Variants in SVIL observed in about 807,000 individuals in gnomAD.
SVIL encodes archvillin.
Under a neutral mutation model 240.4 loss-of-function variants are expected in SVIL, and 101 were observed. The ratio of observed to expected loss-of-function variants is 0.42; its 90% CI spans 0.36 to 0.50. The LOEUF (loss-of-function observed/expected upper bound fraction) is 0.50, where lower values mean the gene tolerates loss of function less well. SVIL is among the 20% of genes least tolerant of loss of function. The probability of loss-of-function intolerance (pLI) is 0.01; values close to 1 mark genes in which losing one functional copy is unlikely to be tolerated. For synonymous variants in SVIL, 999 were observed against 1,100.0 expected (o/e 0.91, Z 1.82); for missense variants, 2,512 against 2,818.7 (o/e 0.89, Z 2.46).
chr10:29,637,491 T>A (rs1442235079), upstream of SVIL, among the ~76,000 whole-genome samples: 1 of 152,082 alleles, frequency 6.6e-6, no homozygotes, highest in Non-Finnish European at 1.5e-5. Flanking sequence ...AGACTCCGTC[T>A]CAAAAGAAGA....
intron 1 of SVIL, among the ~76,000 whole-genome samples, chr10:29,717,299 A>G (rs945020339): frequency 5.7e-5 from 8 of 139,594 alleles, no homozygotes; most frequent in African/African-American, 2.0e-4. Context: ...TTTCACAGAT[A>G]TCACACACTA....
At position 29,509,330 on chromosome 10, in the gene SVIL, G is replaced by GGAGAGAGAGAGAGAGAGAGAGAGAGA. The variant is rs66616602; in HGVS notation, c.3516+3379_3516+3404dup. 4.6e-4 allele frequency among the ~76,000 whole-genome samples: 31 copies of GGAGAGAGAGAGAGAGAGAGAGAGAGA among 66,906 alleles called. 3 individuals are homozygous for GGAGAGAGAGAGAGAGAGAGAGAGAGA. Among genetic ancestry groups the GGAGAGAGAGAGAGAGAGAGAGAGAGA allele is most frequent in the Non-Finnish European group, 7.7e-4 (25 of 32,274 alleles). The allele number at this position is 66,906 out of a possible 152,430, so 43.9% of individuals were successfully genotyped here. A position where few individuals can be genotyped will look rare whatever the true frequency, so the allele number is the denominator to read the frequency against. On this transcript the variant is annotated intron_variant, in intron 17 of 37. Coordinates refer to ENST00000355867, the MANE Select transcript of SVIL (RefSeq NM_021738.3). ...GAGAGAAAGGGAGAAGGAGGGGGAG[G>GGAGAGAGAGAGAGAGAGAGAGAGAGA]GAGAGAGAGAGAGAGAGAGAGAGAG...
chr10:29,531,322 T>C lies in SVIL; in HGVS notation c.2010-34A>G, dbSNP rs765072419. The C allele has an allele frequency of 5.0e-6, 8 of 1,593,920 alleles. No individual in the cohort carries two copies. The South Asian group carries it at 9.0e-5, about 18-fold the overall frequency. On this transcript the variant is annotated intron_variant, in intron 9 of 37. Coordinates refer to ENST00000355867, the MANE Select transcript of SVIL (RefSeq NM_021738.3). ...GACATTAGCAAATAACAATAATACA[T>C]TAGCAGGTGGGAGCAGAAGATCGAA... is the stretch of plus-strand genomic sequence containing the variant.
chr10:29,617,099 C>G (rs1275329283), intron 1 of SVIL, among the ~76,000 whole-genome samples: 1 of 152,128 alleles, frequency 6.6e-6, no homozygotes, highest in Non-Finnish European at 1.5e-5. Context: ...TTATCTTCCC[C>G]TAGTTTCCCC....
At chr10:29,586,681 C>T (rs1956178828) in intron 1 of SVIL, among the ~76,000 whole-genome samples, 1 of 152,176 alleles carries the variant, frequency 6.6e-6, no homozygotes, top group South Asian at 2.1e-4. Flanking sequence ...AAACATTCCA[C>T]ATTTCCTAAT....
chr10:29,595,543 C>T (rs773910724), intron 1 of SVIL, among the ~76,000 whole-genome samples: 4 of 152,228 alleles, frequency 2.6e-5, no homozygotes, highest in African/African-American at 4.8e-5. Flanking sequence ...AGGCGAATTC[C>T]ATTCATTTCA....
chr10:29,607,603 A>C (rs189353938), intron 1 of SVIL, among the ~76,000 whole-genome samples: 1 of 152,004 alleles, frequency 6.6e-6, no homozygotes, highest in African/African-American at 2.4e-5. Flanking sequence ...ACTGAATTGC[A>C]TTGTTACTGT....
chr10:29,688,880 C>T (rs1023529345), intron 1 of SVIL, among the ~76,000 whole-genome samples: 1 of 152,076 alleles, frequency 6.6e-6, no homozygotes, highest in South Asian at 2.1e-4. Flanking sequence ...GTTAAGTTTA[C>T]AATATATATG....
chr10:29,607,667 G>A (rs1489998144), intron 1 of SVIL, among the ~76,000 whole-genome samples: 2 of 152,176 alleles, frequency 1.3e-5, no homozygotes, highest in South Asian at 2.1e-4. Flanking sequence ...GCTGTTTGGA[G>A]GTACAGCTTT....
intron 2 of SVIL, among the ~76,000 whole-genome samples, chr10:29,665,229 A>G (rs1464994242): frequency 1.2e-5 from 1 of 86,922 alleles, no homozygotes; most frequent in Non-Finnish European, 2.9e-5. Flanking sequence ...TCTTGTCTCA[A>G]AAAAAAAAAA....
intron 2 of SVIL, among the ~76,000 whole-genome samples, chr10:29,662,778 TAC>T (rs3040508): frequency 1.4e-3 from 210 of 148,416 alleles, no homozygotes; most frequent in African/African-American, 2.5e-3. Context: ...TGTGCGCGCG[TAC>T]ACACACACAC....
chr10:29,572,894 C>T (rs1039642746), intron 1 of SVIL, among the ~76,000 whole-genome samples: 7 of 151,900 alleles, frequency 4.6e-5, no homozygotes, highest in African/African-American at 1.7e-4. Context: ...CACAGTATCA[C>T]TGCTCATCAC....
At chr10:29,494,716 A>G (rs548191572) in intron 20 of SVIL, among the ~76,000 whole-genome samples, 198 bp downstream of exon 20, 2 of 152,302 alleles carry the variant, frequency 1.3e-5, no homozygotes, top group East Asian at 3.9e-4. Context: ...TTCCAATTGG[A>G]TGGCATCCCA....
rs1408545062 is a variant in SVIL at position 29,524,719 on chromosome 10, A to G, written c.2343-4T>C. On this transcript the variant is annotated splice_region_variant and splice_polypyrimidine_tract_variant and intron_variant, in intron 13 of 37. Transcript: ENST00000355867. ...TTGGTGAGCAGAGGCCTGCAATCTG[A>G]AAAAAATAAAATGTCAGCAACACAT... is the stretch of plus-strand genomic sequence containing the variant. 1.2e-6 allele frequency: 2 copies of G among 1,612,892 alleles called. No homozygotes were observed. Among genetic ancestry groups the G allele is most frequent in the Non-Finnish European group, 1.7e-6 (2 of 1,179,214 alleles).
chr10:29,734,033 C>T (rs1964764834), intron 1 of SVIL, among the ~76,000 whole-genome samples: 1 of 152,206 alleles, frequency 6.6e-6, no homozygotes, highest in South Asian at 2.1e-4. Flanking sequence ...AAGTCACACA[C>T]AGCTTAAACA....
At chr10:29,717,239 A>AC in intron 1 of SVIL, among the ~76,000 whole-genome samples, 1 of 102,556 alleles carries the variant, frequency 9.8e-6, no homozygotes, top group Non-Finnish European at 1.8e-5. Context: ...TCTCAAAAAA[A>AC]AAAAAAAAAA....
Position 29,523,484 on chromosome 10 carries a change from C to G in SVIL, c.3130G>C (p.Glu1044Gln). Reference protein sequence around the residue: ...RLPFEEKVEVENVMKRKFSLR... With the variant: ...RLPFEEKVEVQNVMKRKFSLR... ...GAAAACTTCCTTTTCATAACATTCT[C>G]CACCTCCACCTTCTCTTCAAAGGGC... The change falls in exon 15 of 38, where the codon GAG becomes CAG. Residue 1044 changes from glutamate to glutamine, a missense_variant. Physicochemically the swap from Glu to Gln is conservative, Grantham distance 29. Transcript: ENST00000355867. 1 of 1,611,044 alleles carries G rather than the reference C, an allele frequency of 6.2e-7. No homozygotes were observed. The highest frequency in any genetic ancestry group is 8.5e-7 in the Non-Finnish European group (1 of 1,178,630).
Position 29,478,756 on chromosome 10 carries a change from T to TA in SVIL, c.5377+1780dup, listed in dbSNP as rs917207229. Among the ~76,000 whole-genome samples the TA allele has an allele frequency of 8.0e-3, 1,137 of 142,646 alleles. 7 individuals carry two copies. The highest frequency in any genetic ancestry group is 0.018 in the African/African-American group (702 of 39,070). 93.6% of individuals were successfully genotyped at this position (142,646 alleles called of 152,430 possible). A position where few individuals can be genotyped will look rare whatever the true frequency, so the allele number is the denominator to read the frequency against. On this transcript the variant is annotated intron_variant, in intron 29 of 37. Coordinates refer to ENST00000355867, the MANE Select transcript of SVIL (RefSeq NM_021738.3). ...GGCAACATAGTGAGACCTCATCTCT[T>TA]AAAAAAAAAAAGAAAAAATTAGCTT...
chr10:29,612,782 C>T (rs975019688), intron 1 of SVIL, among the ~76,000 whole-genome samples: 7 of 152,220 alleles, frequency 4.6e-5, no homozygotes, highest in East Asian at 1.9e-4. Context: ...TAGTCACAAA[C>T]GTCCAATCTG....
Sources: allele counts gnomAD v4.1 joint callset (sites outside exome capture counted in the v4.1 genomes callset), GRCh38; gene constraint gnomAD v4.1.1; transcripts MANE v1.5; gene names NCBI Gene and HGNC (gene_info 2026-07-23, HGNC 2026-07-21).